HSD17B6: variants seen among roughly 807,000 people sequenced by gnomAD.
The protein encoded by HSD17B6 is hydroxysteroid 17-beta dehydrogenase 6.
In HSD17B6, 16 loss-of-function variants were observed where a neutral mutation model predicts 26.4. That is an observed-to-expected ratio of 0.61 (90% CI 0.41 to 0.92). The LOEUF is 0.92. Among genes scored for constraint, HSD17B6 ranks in the 40% least tolerant of loss-of-function variants. The pLI, the probability that HSD17B6 is intolerant of heterozygous loss-of-function variation, is 0.00. For synonymous variants in HSD17B6, 139 were observed against 153.0 expected (o/e 0.91, Z 0.68); for missense variants, 357 against 386.1 (o/e 0.92, Z 0.63).
In HSD17B6 at chr12:56,787,423, A is replaced by T; in HGVS notation, c.*81A>T. The stretch of plus-strand genomic sequence containing the variant: ...TCTCAGTAATCCTGATTTAGAACCC[A>T]GGCTTTTTGTAACAATGTGTTTTCT... On this transcript the variant is annotated 3_prime_UTR_variant, in exon 5 of 5. Coordinates refer to ENST00000322165, the MANE Select transcript of HSD17B6 (RefSeq NM_003725.4). 1.1e-6 allele frequency: 1 copy of T among 879,872 alleles called. No individual in the cohort carries two copies. Among genetic ancestry groups the T allele is most frequent in the East Asian group, 2.6e-5 (1 of 38,142 alleles). 54.5% of individuals were successfully genotyped at this position (879,872 alleles called of 1,614,324 possible).
intron 3 of HSD17B6, 33 bp from the exon 4 acceptor site, chr12:56,784,820 T>C: frequency 6.2e-7 from 1 of 1,600,668 alleles, no homozygotes; most frequent in Non-Finnish European, 8.5e-7. Flanking sequence ...ATGGTGGTGG[T>C]CTTTAATCAT....
intron 3 of HSD17B6, among the ~76,000 whole-genome samples, chr12:56,783,402 C>A (rs1954777772): frequency 7.2e-6 from 1 of 138,678 alleles, no homozygotes; most frequent in African/African-American, 2.7e-5. Flanking sequence ...GGGCGGCTGG[C>A]CGGGCAGAGG....
intron 3 of HSD17B6, among the ~76,000 whole-genome samples, chr12:56,784,225 C>T (rs1161775456): frequency 1.3e-5 from 2 of 151,256 alleles, no homozygotes; most frequent in Non-Finnish European, 2.9e-5. Flanking sequence ...TCCTCACATC[C>T]CAGATGATGG....
intron 3 of HSD17B6, among the ~76,000 whole-genome samples, chr12:56,784,264 C>T (rs541077774): frequency 3.3e-5 from 5 of 152,228 alleles, no homozygotes; most frequent in African/African-American, 1.2e-4. Context: ...TCCTCACTTC[C>T]CAGACGGGGT....
chr12:56,780,107 T>C (rs1435247860), intron 2 of HSD17B6, among the ~76,000 whole-genome samples: 1 of 152,214 alleles, frequency 6.6e-6, no homozygotes, highest in Non-Finnish European at 1.5e-5. Context: ...AAATAATCTG[T>C]CTTTCCTTTC....
intron 3 of HSD17B6, 149 bp from the exon 4 acceptor site, chr12:56,784,701 AGAC>A (rs1954836834): frequency 1.4e-6 from 1 of 728,420 alleles, no homozygotes; most frequent in African/African-American, 1.8e-5. Context: ...GGGGAGAGGG[AGAC>A]GAGGGAGAGG....
chr12:56,778,774 A>G (rs1460634554), intron 2 of HSD17B6, among the ~76,000 whole-genome samples: 1 of 147,450 alleles, frequency 6.8e-6, no homozygotes, highest in Non-Finnish European at 1.5e-5. Context: ...TACTGGGTTC[A>G]CGCCATTCTC....
intron 4 of HSD17B6, 94 bp downstream of exon 4, chr12:56,785,110 A>G (rs2137935382): frequency 7.6e-7 from 1 of 1,318,282 alleles, no homozygotes; most frequent in East Asian, 2.4e-5. Context: ...GGTAATTTAT[A>G]AAGAAAAGAG....
chr12:56,782,809 C>T (rs1265331189), intron 3 of HSD17B6, among the ~76,000 whole-genome samples: 3 of 152,016 alleles, frequency 2.0e-5, no homozygotes, highest in South Asian at 4.2e-4. Context: ...TGTTTGTGTC[C>T]CTGGGTACTT....
intron 1 of HSD17B6, among the ~76,000 whole-genome samples, chr12:56,766,860 G>A (rs189516917): frequency 2.0e-5 from 3 of 152,304 alleles, no homozygotes; most frequent in Admixed American, 6.5e-5. Flanking sequence ...GAGAACGGGA[G>A]TAGAGCATCT....
At chr12:56,785,665 A>G (rs928661582) in intron 4 of HSD17B6, among the ~76,000 whole-genome samples, 1 of 152,256 alleles carries the variant, frequency 6.6e-6, no homozygotes, top group Non-Finnish European at 1.5e-5. Context: ...ACTTAGAGGC[A>G]TGGACCCTTG....
intron 3 of HSD17B6, among the ~76,000 whole-genome samples, chr12:56,783,270 AC>A (rs1298200653): frequency 2.4e-5 from 3 of 124,416 alleles, no homozygotes; most frequent in East Asian, 2.6e-4. Context: ...CGGGGGGCTG[AC>A]CCCCCCACCT....
intron 3 of HSD17B6, 119 bp from the exon 4 acceptor site, chr12:56,784,734 C>G: frequency 9.4e-7 from 1 of 1,065,108 alleles, no homozygotes; most frequent in Non-Finnish European, 1.4e-6. Context: ...AGGGAGATTT[C>G]TTTATTCTTT....
At chr12:56,767,444 G>C (rs1245660156) in intron 1 of HSD17B6, among the ~76,000 whole-genome samples, 1 of 150,966 alleles carries the variant, frequency 6.6e-6, no homozygotes, top group Non-Finnish European at 1.5e-5. Context: ...GTGAACCTGG[G>C]AGGCAGAGCT....
At chr12:56,786,044 A>G (rs996762710) in intron 4 of HSD17B6, 2 of 606,862 alleles carry the variant, frequency 3.3e-6, no homozygotes, top group South Asian at 7.3e-5. Context: ...GATGATGAAA[A>G]TGTTCTAAAT....
In HSD17B6 at chr12:56,784,978, A is replaced by G. The variant is rs767045757; in HGVS notation, c.698A>G (p.His233Arg). The change falls in exon 4 of 5, where the codon CAT (histidine) becomes CGT (arginine). Residue 233 changes from histidine (H) to arginine (R), a missense_variant. Coordinates refer to ENST00000322165, the MANE Select transcript of HSD17B6 (RefSeq NM_003725.4). ...CAAAGTTGGAAAGAAGCCCCCAAGC[A>G]TATTAAGGAGACCTATGGACAGCAG... is the stretch of plus-strand genomic sequence containing the variant. ...MKQSWKEAPKHIKETYGQQYF... is the reference protein window; with the variant it reads ...MKQSWKEAPKRIKETYGQQYF... 10 of 1,613,984 alleles carry G rather than the reference A, an allele frequency of 6.2e-6. No homozygotes were observed. In the Admixed American group the frequency reaches 1.5e-4, roughly 24 times the overall value.
chr12:56,777,436 C>G (rs1302189023), intron 2 of HSD17B6, among the ~76,000 whole-genome samples: 1 of 148,278 alleles, frequency 6.7e-6, no homozygotes, highest in African/African-American at 2.6e-5. Context: ...ATGATCTCCG[C>G]TCACTGCAAA....
chr12:56,779,440 AATT>A (rs1449026293), intron 2 of HSD17B6, among the ~76,000 whole-genome samples: 4 of 152,064 alleles, frequency 2.6e-5, no homozygotes, highest in South Asian at 2.1e-4. Context: ...GCCTGGCCTT[AATT>A]ATTATGTTTG....
At chr12:56,781,789 G>A (rs1330111122) in intron 2 of HSD17B6, among the ~76,000 whole-genome samples, 185 bp from the exon 3 acceptor site, 1 of 152,122 alleles carries the variant, frequency 6.6e-6, no homozygotes, top group Non-Finnish European at 1.5e-5. Context: ...GCGATAGGGC[G>A]AGACTTTGTC....
Sources: gnomAD v4.1 joint callset for allele counts (sites outside exome capture counted in the v4.1 genomes callset) on GRCh38, gnomAD v4.1.1 for gene constraint, MANE v1.5 for transcripts, NCBI Gene and HGNC (gene_info 2026-07-23, HGNC 2026-07-21) for gene names.